BSDC1: variants seen among roughly 807,000 people sequenced by gnomAD.
The protein encoded by BSDC1 is BSD domain-containing protein 1.
BSDC1 carries 29 observed loss-of-function variants against 56.0 expected under a neutral mutation model. The ratio of observed to expected loss-of-function variants is 0.52; its 90% CI spans 0.39 to 0.71. BSDC1 has a LOEUF of 0.71. Among genes scored for constraint, BSDC1 ranks in the 30% least tolerant of loss-of-function variants. BSDC1 has a pLI of 0.00. For missense variants in BSDC1, 477 were observed against 548.5 expected, an observed-to-expected ratio of 0.87 and a Z score of 1.30; for synonymous variants, 210 against 215.3, an observed-to-expected ratio of 0.98 and a Z score of 0.21.
Position 32,378,349 on chromosome 1 carries a change from T to G in BSDC1, c.529-66A>C. On this transcript the variant is annotated intron_variant, in intron 6 of 10. Transcript: ENST00000455895. This position sits in a 1 kb window ranked among gnomAD's most constrained non-coding sequence, Gnocchi z 5.2. ...TTGTGTGGGGTCTGTGTCCCCAGCC[T>G]TATCAGTCTATTCCCAGCCAGTCTG... is the stretch of plus-strand genomic sequence containing the variant. 6.8e-7 allele frequency: 1 copy of G among 1,481,006 alleles called. No individual in the cohort carries two copies. The highest frequency in any genetic ancestry group is 9.4e-7 in the Non-Finnish European group (1 of 1,061,304). 91.7% of individuals were successfully genotyped at this position (1,481,006 alleles called of 1,614,324 possible). A position where few individuals can be genotyped will look rare whatever the true frequency, so the allele number is the denominator to read the frequency against.
chr1:32,390,803 TG>T (rs1373642092), intron 2 of BSDC1, among the ~76,000 whole-genome samples: 7 of 151,942 alleles, frequency 4.6e-5, no homozygotes, highest in Non-Finnish European at 1.5e-5. Context: ...CCCAGCTACT[TG>T]GGGGCCTGAG....
intron 4 of BSDC1, among the ~76,000 whole-genome samples, chr1:32,382,867 C>CAA (rs760141230): frequency 0.018 from 853 of 46,526 alleles, 42 homozygotes; most frequent in African/African-American, 0.056. Context: ...GAGACCGTCT[C>CAA]AAAAAAAAAA....
chr1:32,389,151 T>C (rs1642778129), intron 2 of BSDC1, among the ~76,000 whole-genome samples: 1 of 152,090 alleles, frequency 6.6e-6, no homozygotes. Flanking sequence ...AGACGGGATT[T>C]CACTGTGTTA....
In BSDC1 at chr1:32,365,298, GCA is replaced by G. The variant is rs1302914201; in HGVS notation, c.*1322_*1323del. ...ATTATAATTTAAAATATATAATATTGCACAAACAACCAAAAGGTTAATTAAAC... is the reference window on the plus strand; with the variant it reads ...ATTATAATTTAAAATATATAATATTGCAAACAACCAAAAGGTTAATTAAAC... On this transcript the variant is annotated 3_prime_UTR_variant, in exon 11 of 11. Transcript: ENST00000455895. 2.6e-5 allele frequency: 4 copies of G among 151,120 alleles called. No individual in the cohort carries two copies. Among genetic ancestry groups the G allele is most frequent in the Non-Finnish European group, 5.9e-5 (4 of 67,872 alleles). The allele number at this position is 151,120 out of a possible 1,614,324, so 9.4% of individuals were successfully genotyped here.
chr1:32,378,372 C>G lies in BSDC1; in HGVS notation c.529-89G>C. The G allele has an allele frequency of 7.4e-7, 1 of 1,350,546 alleles. No homozygotes were observed. The highest frequency in any genetic ancestry group is 1.2e-5 in the South Asian group (1 of 82,442). The allele number at this position is 1,350,546 out of a possible 1,614,324, so 83.7% of individuals were successfully genotyped here. A position where few individuals can be genotyped will look rare whatever the true frequency, so the allele number is the denominator to read the frequency against. On this transcript the variant is annotated intron_variant, in intron 6 of 10. Coordinates refer to ENST00000455895, the MANE Select transcript of BSDC1 (RefSeq NM_018045.8). This position sits in a 1 kb window ranked among gnomAD's most constrained non-coding sequence, Gnocchi z 5.2. ...CCTTATCAGTCTATTCCCAGCCAGTCTGGATTTCAGACCCAGTAAGTGGCT... is the reference window on the plus strand; with the variant it reads ...CCTTATCAGTCTATTCCCAGCCAGTGTGGATTTCAGACCCAGTAAGTGGCT...
intron 9 of BSDC1, among the ~76,000 whole-genome samples, chr1:32,370,803 CAAAAAAAAAAAAAA>C (rs58351365): frequency 8.0e-5 from 4 of 50,124 alleles, no homozygotes; most frequent in Non-Finnish European, 1.1e-4. Context: ...GACTCCGTCT[CAAAAAAAAAAAAAA>C]AAAAAAAAAA....
At chr1:32,385,775 T>C (rs1033217164) in intron 3 of BSDC1, among the ~76,000 whole-genome samples, 9 of 151,958 alleles carry the variant, frequency 5.9e-5, no homozygotes, top group African/African-American at 2.2e-4. Context: ...AGAAAATAAG[T>C]TGGTACAACA....
intron 2 of BSDC1, among the ~76,000 whole-genome samples, chr1:32,388,265 C>CT (rs1207700291): frequency 6.6e-6 from 1 of 152,186 alleles, no homozygotes; most frequent in African/African-American, 2.4e-5. Flanking sequence ...ATGGCACAGT[C>CT]TATCAGCTAC....
intron 4 of BSDC1, among the ~76,000 whole-genome samples, chr1:32,383,144 G>A (rs895002451): frequency 8.5e-5 from 13 of 152,080 alleles, no homozygotes; most frequent in African/African-American, 2.7e-4. Flanking sequence ...AGAATTTAAA[G>A]ACATTAAAAA....
intron 2 of BSDC1, among the ~76,000 whole-genome samples, chr1:32,392,467 T>G (rs1366875636): frequency 6.6e-6 from 1 of 151,634 alleles, no homozygotes; most frequent in Non-Finnish European, 1.5e-5. Flanking sequence ...AGCTTTTAAC[T>G]GGGAATTCCA....
chr1:32,378,331 G>A lies in BSDC1; in HGVS notation c.529-48C>T. ...GTGAGACTTTGGGAGTGTTTGTGTG[G>A]GGTCTGTGTCCCCAGCCTTATCAGT... On this transcript the variant is annotated intron_variant, in intron 6 of 10. Transcript: ENST00000455895. This position sits in a 1 kb window ranked among gnomAD's most constrained non-coding sequence, Gnocchi z 5.2. 1 of 1,573,958 alleles carries A rather than the reference G, an allele frequency of 6.4e-7. No individual in the cohort carries two copies. Among genetic ancestry groups the A allele is most frequent in the Middle Eastern group, 1.7e-4 (1 of 5,982 alleles).
chr1:32,367,113 G>A (rs1641882244), intron 10 of BSDC1: 3 of 986,574 alleles, frequency 3.0e-6, no homozygotes, highest in Non-Finnish European at 3.6e-6. Flanking sequence ...GCCACTGCCT[G>A]AGTGGCACTG....
rs1014975427 is a variant in BSDC1, at chr1:32,368,384, G to A, written c.1260+63C>T. On this transcript the variant is annotated intron_variant, in intron 10 of 10. Transcript: ENST00000455895. Reference sequence around the variant, plus strand: ...CCTGAGGGGACAGCTGGGCTGGCTGGGGAGAGCTCTCACACCCAGGACCAT... The same window carrying A: ...CCTGAGGGGACAGCTGGGCTGGCTGAGGAGAGCTCTCACACCCAGGACCAT... The A allele has an allele frequency of 6.2e-6, 10 of 1,613,992 alleles. No homozygotes were observed. The Admixed American group carries it at 1.0e-4, about 16-fold the overall frequency.
chr1:32,366,415 A>T lies in BSDC1; in HGVS notation c.*207T>A. The T allele has an allele frequency of 1.4e-6, 1 of 705,564 alleles. No individual in the cohort carries two copies. Among genetic ancestry groups the T allele is most frequent in the Non-Finnish European group, 2.6e-6 (1 of 385,920 alleles). The allele number at this position is 705,564 out of a possible 1,614,324, so 43.7% of individuals were successfully genotyped here. A position where few individuals can be genotyped will look rare whatever the true frequency, so the allele number is the denominator to read the frequency against. On this transcript the variant is annotated 3_prime_UTR_variant, in exon 11 of 11. Transcript: ENST00000455895. ...GGTCATCCTATTGTTGGCACAAGTC[A>T]GAGTTTCTGGCCGGGATTTAGAGAG...
intron 8 of BSDC1, among the ~76,000 whole-genome samples, 194 bp downstream of exon 8, chr1:32,377,776 T>C (rs1642344932): frequency 6.6e-6 from 1 of 152,220 alleles, no homozygotes; most frequent in Admixed American, 6.5e-5. Context: ...GTGATTTCTG[T>C]AGCTAAATCG....
intron 2 of BSDC1, among the ~76,000 whole-genome samples, chr1:32,391,991 G>A (rs1642881564): frequency 6.6e-6 from 1 of 152,110 alleles, no homozygotes; most frequent in African/African-American, 2.4e-5. Flanking sequence ...GGTATTGTTA[G>A]TATTCCCATT....
intron 2 of BSDC1, among the ~76,000 whole-genome samples, chr1:32,393,202 C>T (rs1216855879): frequency 6.6e-6 from 1 of 152,224 alleles, no homozygotes; most frequent in East Asian, 1.9e-4. Context: ...TTCAGTTGGG[C>T]TGATTTTGAC....
Position 32,378,626 on chromosome 1 carries a change from C to T in BSDC1, c.528+98G>A, listed in dbSNP as rs142015010. On this transcript the variant is annotated intron_variant, in intron 6 of 10. Transcript: ENST00000455895. This position sits in a 1 kb window ranked among gnomAD's most constrained non-coding sequence, Gnocchi z 5.2. ...CTCTATGGAGCCTCCCAGTGCTCTC[C>T]GGGCCAGATGACTCTGCAGTGACTC... The T allele has an allele frequency of 4.0e-5, 35 of 877,864 alleles. No individual in the cohort carries two copies. Among genetic ancestry groups the T allele is most frequent in the South Asian group, 2.1e-4 (11 of 51,168 alleles). The allele number at this position is 877,864 out of a possible 1,614,324, so 54.4% of individuals were successfully genotyped here. A position where few individuals can be genotyped will look rare whatever the true frequency, so the allele number is the denominator to read the frequency against.
intron 5 of BSDC1, 21 bp downstream of exon 5, chr1:32,381,193 C>T (rs781270214): frequency 6.8e-6 from 11 of 1,613,284 alleles, no homozygotes; most frequent in East Asian, 4.5e-5. Flanking sequence ...CAAGCCCACC[C>T]GCTCAGTGCT....
Sources: gnomAD v4.1 joint callset for allele counts (sites outside exome capture counted in the v4.1 genomes callset) on GRCh38, gnomAD v4.1.1 for gene constraint, Gnocchi (gnomAD v3.1) non-coding constraint, MANE v1.5 for transcripts, NCBI Gene and HGNC (gene_info 2026-07-23, HGNC 2026-07-21) for gene names.